Variants in DYNC1I1 observed in about 807,000 individuals in gnomAD.
DYNC1I1 encodes the protein dynein cytoplasmic 1 intermediate chain 1.
In DYNC1I1, 43 loss-of-function variants were observed where a neutral mutation model predicts 86.6. The observed-to-expected ratio is 0.50, with a 90% CI of 0.39 to 0.64. DYNC1I1 has a LOEUF of 0.64. DYNC1I1 is among the 30% of genes least tolerant of loss of function. DYNC1I1 has a pLI of 0.00. For missense variants in DYNC1I1, 604 were observed against 788.8 expected, an observed-to-expected ratio of 0.77 and a Z score of 2.81; for synonymous variants, 262 against 283.7, an observed-to-expected ratio of 0.92 and a Z score of 0.77.
intron 5 of DYNC1I1, among the ~76,000 whole-genome samples, chr7:95,859,824 T>C (rs1484737297): frequency 2.6e-5 from 4 of 152,206 alleles, no homozygotes. Flanking sequence ...TCTAGGGTCA[T>C]GAGGGCCTGC....
intron 6 of DYNC1I1, among the ~76,000 whole-genome samples, chr7:95,903,303 T>C (rs1185574434): frequency 1.3e-5 from 2 of 152,212 alleles, no homozygotes; most frequent in Admixed American, 1.3e-4. Flanking sequence ...CCAAAGTGTT[T>C]TGTGCCATTT....
At chr7:96,109,294 T>C (rs1400912224) in intron 16 of DYNC1I1, among the ~76,000 whole-genome samples, 1 of 152,080 alleles carries the variant, frequency 6.6e-6, no homozygotes, top group Non-Finnish European at 1.5e-5. Flanking sequence ...ACATGTGCCA[T>C]GTTGGTGTGC....
At chr7:96,046,509 G>A (rs1053045654) in intron 14 of DYNC1I1, among the ~76,000 whole-genome samples, 1 of 152,210 alleles carries the variant, frequency 6.6e-6, no homozygotes, top group Non-Finnish European at 1.5e-5. Flanking sequence ...ACAAGAGAGC[G>A]TAAATAACTT....
chr7:95,787,075 C>G (rs1794167920), intron 1 of DYNC1I1, among the ~76,000 whole-genome samples: 1 of 152,124 alleles, frequency 6.6e-6, no homozygotes, highest in Non-Finnish European at 1.5e-5. Flanking sequence ...TCTTAGGTAG[C>G]CCACATTCTC....
chr7:95,949,562 G>A (rs1218625112), intron 6 of DYNC1I1, among the ~76,000 whole-genome samples: 2 of 152,202 alleles, frequency 1.3e-5, no homozygotes, highest in Admixed American at 6.5e-5. Flanking sequence ...TCTTGAAATT[G>A]TTGGAAAAAG....
intron 1 of DYNC1I1, chr7:95,804,357 T>C: frequency 7.8e-7 from 1 of 1,277,280 alleles, no homozygotes; most frequent in South Asian, 1.3e-5. Context: ...ATCATCTAAA[T>C]TGGAAGTCAT....
chr7:95,818,358 G>T, intron 4 of DYNC1I1: 1 of 433,162 alleles, frequency 2.3e-6, no homozygotes, highest in Non-Finnish European at 4.1e-6. Context: ...GGCAGCAGTG[G>T]TGGCACAATC....
intron 5 of DYNC1I1, among the ~76,000 whole-genome samples, chr7:95,847,864 A>T (rs942439806): frequency 1.3e-5 from 2 of 152,184 alleles, no homozygotes; most frequent in South Asian, 4.1e-4. Context: ...TCTATTCTCT[A>T]TGAAATTCTA....
intron 9 of DYNC1I1, among the ~76,000 whole-genome samples, chr7:95,989,895 T>C (rs1793688127): frequency 6.6e-6 from 1 of 152,148 alleles, no homozygotes; most frequent in African/African-American, 2.4e-5. Context: ...GATTACATAC[T>C]TATGGGATAA....
At chr7:95,876,955 A>G (rs1034714196) in intron 6 of DYNC1I1, among the ~76,000 whole-genome samples, 1 of 152,246 alleles carries the variant, frequency 6.6e-6, no homozygotes, top group African/African-American at 2.4e-5. Context: ...AAAAAAGAAA[A>G]AAAGAAAAAC....
At chr7:96,109,647 G>T (rs138551619) in intron 16 of DYNC1I1, among the ~76,000 whole-genome samples, 61 of 152,012 alleles carry the variant, frequency 4.0e-4, no homozygotes, top group African/African-American at 1.4e-3. Context: ...TTTCCCTATA[G>T]GTTGTATAGA....
At chr7:96,075,999 T>TA in intron 14 of DYNC1I1, 58 bp from the exon 15 acceptor site, 1 of 1,588,618 alleles carries the variant, frequency 6.3e-7, no homozygotes, top group Non-Finnish European at 8.6e-7. Flanking sequence ...TTAGGCTCTC[T>TA]AGACAGCCCG....
At chr7:95,942,348 A>G (rs998151436) in intron 6 of DYNC1I1, among the ~76,000 whole-genome samples, 5 of 152,200 alleles carry the variant, frequency 3.3e-5, no homozygotes, top group Non-Finnish European at 4.4e-5. Context: ...TGAATAGACC[A>G]ATAGCAGGCT....
intron 6 of DYNC1I1, among the ~76,000 whole-genome samples, chr7:95,879,158 G>A (rs1293530602): frequency 6.6e-6 from 1 of 152,068 alleles, no homozygotes; most frequent in Non-Finnish European, 1.5e-5. Flanking sequence ...AAAACAAAGA[G>A]CACAAGTAGA....
chr7:95,940,860 A>G (rs2116444228), intron 6 of DYNC1I1, among the ~76,000 whole-genome samples: 1 of 152,234 alleles, frequency 6.6e-6, no homozygotes, highest in African/African-American at 2.4e-5. Context: ...GTTCCTTTGG[A>G]GGAGGAGAGG....
At chr7:95,888,480 A>G (rs563763166) in intron 6 of DYNC1I1, among the ~76,000 whole-genome samples, 3 of 152,170 alleles carry the variant, frequency 2.0e-5, no homozygotes, top group Non-Finnish European at 2.9e-5. Flanking sequence ...TACTTTTGTT[A>G]TTGGCTCAGA....
At chr7:95,932,879 A>AT (rs11392614) in intron 6 of DYNC1I1, among the ~76,000 whole-genome samples, 87,283 of 137,674 alleles carry the variant, frequency 0.63, 28,501 homozygotes, top group East Asian at 0.77. Context: ...TTATTTTTTA[A>AT]TTTTTTTTTT....
chr7:96,102,880 T>C (rs1791155508), downstream of DYNC1I1, among the ~76,000 whole-genome samples: 1 of 152,184 alleles, frequency 6.6e-6, no homozygotes, highest in African/African-American at 2.4e-5. Flanking sequence ...AATGAAGTTC[T>C]TTGCCATAGG....
intron 15 of DYNC1I1, 28 bp downstream of exon 15, chr7:96,076,225 G>A (rs763584158): frequency 1.2e-6 from 2 of 1,609,994 alleles, no homozygotes; most frequent in Non-Finnish European, 1.7e-6. Flanking sequence ...CGCCCGGGCC[G>A]GAGGGCTGGG....
Sources: gnomAD v4.1 joint callset for allele counts (sites outside exome capture counted in the v4.1 genomes callset) on GRCh38, gnomAD v4.1.1 for gene constraint, MANE v1.5 for transcripts, NCBI Gene and HGNC (gene_info 2026-07-23, HGNC 2026-07-21) for gene names.